Variants in MAPK10 observed in about 807,000 individuals in gnomAD.
MAPK10 encodes JNK3 alpha protein kinase.
A neutral mutation model predicts 59.3 loss-of-function variants in MAPK10; 25 were observed. The observed-to-expected ratio is 0.42, with a 90% CI of 0.31 to 0.59. The LOEUF (loss-of-function observed/expected upper bound fraction) is 0.59. Ranked by LOEUF, MAPK10 falls within the 20% of genes least tolerant of loss-of-function variation. The probability of loss-of-function intolerance (pLI) is 0.15; values close to 1 mark genes in which losing one functional copy is unlikely to be tolerated. For synonymous variants in MAPK10, 190 were observed against 200.5 expected (o/e 0.95, Z 0.44); for missense variants, 351 against 568.9 (o/e 0.62, Z 3.90).
upstream of MAPK10, among the ~76,000 whole-genome samples, chr4:86,457,316 A>G (rs1384489362): frequency 1.3e-5 from 2 of 152,166 alleles, no homozygotes; most frequent in African/African-American, 4.8e-5. Context: ...GAGCAACCAG[A>G]CAAGAGAAAG....
At chr4:86,500,588 T>C (rs1252433016) in intron 1 of MAPK10, among the ~76,000 whole-genome samples, 7 of 152,140 alleles carry the variant, frequency 4.6e-5, no homozygotes, top group Non-Finnish European at 1.0e-4. Context: ...TATTGGCACC[T>C]GTATCCTGTA....
chr4:86,043,843 T>A (rs1253829264), intron 11 of MAPK10, among the ~76,000 whole-genome samples: 1 of 152,132 alleles, frequency 6.6e-6, no homozygotes, highest in Non-Finnish European at 1.5e-5. Flanking sequence ...TATTATCTCA[T>A]TTAGTCTTTG....
intron 2 of MAPK10, among the ~76,000 whole-genome samples, chr4:86,318,646 T>G (rs1010242409): frequency 3.9e-5 from 6 of 152,162 alleles, no homozygotes; most frequent in Non-Finnish European, 8.8e-5. Flanking sequence ...TTTGAAGGGT[T>G]TCTCTGATCT....
At chr4:86,517,236 C>T (rs561275993) in intron 1 of MAPK10, among the ~76,000 whole-genome samples, 6 of 149,884 alleles carry the variant, frequency 4.0e-5, no homozygotes, top group Non-Finnish European at 8.9e-5. Context: ...CCTGAATACC[C>T]GGTATGAAAC....
rs58674852 is a variant in MAPK10, at chr4:86,014,303, GGTGTGT to G, written c.*2919_*2924del. ...AGGTGACTATTTAAGAAATATTTGG[GGTGTGT>G]GTGTGTGTGTGTGTGTGTGTGTGTG... On this transcript the variant is annotated 3_prime_UTR_variant, in exon 14 of 14. Transcript: ENST00000641462. 8.4e-3 allele frequency: 1,204 copies of G among 143,978 alleles called. 9 individuals are homozygous for G. The highest frequency in any genetic ancestry group is 0.013 in the East Asian group (60 of 4,714). The allele number at this position is 143,978 out of a possible 1,614,324, so 8.9% of individuals were successfully genotyped here.
chr4:86,284,893 G>T (rs1159174161), intron 2 of MAPK10, among the ~76,000 whole-genome samples: 1 of 152,116 alleles, frequency 6.6e-6, no homozygotes, highest in Non-Finnish European at 1.5e-5. Flanking sequence ...TCAAGGGCTT[G>T]GAGTAAGAAA....
intron 4 of MAPK10, chr4:86,127,466 GA>G (rs1316115157): frequency 1.3e-5 from 2 of 151,828 alleles, no homozygotes; most frequent in African/African-American, 4.8e-5. Flanking sequence ...TTAAAATTCT[GA>G]AAAAATGTGT....
intron 11 of MAPK10, among the ~76,000 whole-genome samples, chr4:86,059,641 G>A (rs757890345): frequency 5.0e-4 from 76 of 152,078 alleles, no homozygotes; most frequent in Non-Finnish European, 5.4e-4. Flanking sequence ...CTTGAGTTAG[G>A]TGAAAAAATA....
intron 1 of MAPK10, among the ~76,000 whole-genome samples, chr4:86,477,445 A>G (rs1323745037): frequency 1.3e-5 from 2 of 152,000 alleles, no homozygotes; most frequent in African/African-American, 2.4e-5. Context: ...AGCCTCCTTC[A>G]CATCCTCCCC....
At chr4:86,317,570 A>G (rs1370236616) in intron 2 of MAPK10, among the ~76,000 whole-genome samples, 3 of 152,118 alleles carry the variant, frequency 2.0e-5, no homozygotes, top group Middle Eastern at 3.2e-3. Context: ...TAGAGTTCAA[A>G]CTCTGTCTTT....
intron 1 of MAPK10, among the ~76,000 whole-genome samples, chr4:86,545,337 G>A (rs771501749): frequency 1.3e-5 from 2 of 152,174 alleles, no homozygotes; most frequent in Admixed American, 6.5e-5. Flanking sequence ...CCCCTCATCC[G>A]TGGCGGGGAG....
chr4:86,514,385 T>C (rs1183545687), intron 1 of MAPK10, among the ~76,000 whole-genome samples: 1 of 152,200 alleles, frequency 6.6e-6, no homozygotes. Flanking sequence ...ATTATACAAT[T>C]GTCATTTTTC....
intron 4 of MAPK10, chr4:86,152,736 T>A (rs1347356551): frequency 3.3e-5 from 5 of 152,332 alleles, no homozygotes; most frequent in African/African-American, 9.6e-5. Context: ...TAAGCCTTGG[T>A]ATTTTTCGTT....
chr4:86,343,683 A>G (rs1393855432), intron 2 of MAPK10, among the ~76,000 whole-genome samples: 1 of 152,160 alleles, frequency 6.6e-6, no homozygotes, highest in East Asian at 1.9e-4. Context: ...ATGGTTCAAC[A>G]TTGTCACTCT....
chr4:86,133,832 G>A (rs1056273840), intron 4 of MAPK10, among the ~76,000 whole-genome samples: 1 of 152,150 alleles, frequency 6.6e-6, no homozygotes, highest in Non-Finnish European at 1.5e-5. Flanking sequence ...CAGACACATC[G>A]TGGCTAGAGA....
intron 11 of MAPK10, among the ~76,000 whole-genome samples, chr4:86,045,816 C>T (rs2042388245): frequency 1.3e-5 from 2 of 151,454 alleles, no homozygotes; most frequent in African/African-American, 4.8e-5. Context: ...TATACCCTTT[C>T]TTCTGCTTGC....
intron 9 of MAPK10, among the ~76,000 whole-genome samples, chr4:86,091,980 G>C (rs2053308851): frequency 6.6e-6 from 1 of 152,028 alleles, no homozygotes; most frequent in African/African-American, 2.4e-5. Context: ...CCCAGTTGTT[G>C]ATTTAATAAC....
chr4:86,550,374 TAAAAAAAA>T (rs753508493), intron 1 of MAPK10, among the ~76,000 whole-genome samples: 39 of 77,390 alleles, frequency 5.0e-4, no homozygotes, highest in African/African-American at 2.0e-3. Context: ...GAGCTTCAGT[TAAAAAAAA>T]AAAAAAAAAA....
At chr4:86,115,329 C>T (rs891041941) in intron 4 of MAPK10, among the ~76,000 whole-genome samples, 2 of 152,196 alleles carry the variant, frequency 1.3e-5, no homozygotes, top group African/African-American at 4.8e-5. Flanking sequence ...ATCATTGCTC[C>T]ACCCTGCTTT....
Sources: gnomAD v4.1 joint callset for allele counts (sites outside exome capture counted in the v4.1 genomes callset) on GRCh38, gnomAD v4.1.1 for gene constraint, MANE v1.5 for transcripts, NCBI Gene and HGNC (gene_info 2026-07-23, HGNC 2026-07-21) for gene names.